Variants in PACSIN2 observed in about 807,000 individuals in gnomAD.
PACSIN2 encodes protein kinase C and casein kinase substrate in neurons 2.
In PACSIN2, 25 loss-of-function variants were observed where a neutral mutation model predicts 63.8. That is an observed-to-expected ratio of 0.39 (90% CI 0.29 to 0.55). The LOEUF is 0.55. PACSIN2 is among the 20% of genes least tolerant of loss of function. PACSIN2 has a pLI of 0.62. For synonymous variants in PACSIN2, 255 were observed against 256.2 expected (o/e 1.00, Z 0.05); for missense variants, 518 against 646.9 (o/e 0.80, Z 2.16).
Position 42,871,392 on chromosome 22 carries a change from G to A in PACSIN2, c.1426C>T (p.Leu476=), listed in dbSNP as rs1392274099. ...KGRLDNGQVG[L]YPANYVEAIQ ...GCCTCCACATAATTTGCCGGGTATA[G>A]GCCAACTTGCCCGTTGTCCAAGCGT... The change falls in exon 11 of 11, where the codon CTA becomes TTA. Residue 476 remains leucine, a synonymous_variant. Transcript: ENST00000263246. The surrounding 1 kb of genome is among the most constrained non-coding windows in gnomAD (Gnocchi z 5.4). 1.2e-6 allele frequency: 2 copies of A among 1,613,944 alleles called. No individual in the cohort carries two copies. Among genetic ancestry groups the A allele is most frequent in the African/African-American group, 2.7e-5 (2 of 74,916 alleles).
At chr22:42,988,704 A>G (rs1042005158) in intron 1 of PACSIN2, among the ~76,000 whole-genome samples, 52 of 152,206 alleles carry the variant, frequency 3.4e-4, no homozygotes, top group African/African-American at 1.2e-3. Context: ...CTTCTCTTTC[A>G]AGAAGGGATA....
chr22:42,952,667 ATT>A (rs1164741942), intron 1 of PACSIN2, among the ~76,000 whole-genome samples: 4 of 129,940 alleles, frequency 3.1e-5, no homozygotes, highest in Admixed American at 7.7e-5. Flanking sequence ...CTATTTATTT[ATT>A]TTTTTTTTTT....
At chr22:42,988,847 T>C (rs894270644) in intron 1 of PACSIN2, among the ~76,000 whole-genome samples, 10 of 151,834 alleles carry the variant, frequency 6.6e-5, no homozygotes, top group Non-Finnish European at 1.5e-4. Context: ...GGAAAAAATA[T>C]AGAAACTTAA....
chr22:42,968,761 G>A (rs563518908), intron 1 of PACSIN2, among the ~76,000 whole-genome samples: 2 of 152,328 alleles, frequency 1.3e-5, no homozygotes, highest in Admixed American at 6.5e-5. Context: ...CAATGTCCTG[G>A]AGCTGGGATG....
intron 1 of PACSIN2, among the ~76,000 whole-genome samples, chr22:42,980,741 G>A (rs1439469798): frequency 1.0e-4 from 10 of 99,722 alleles, no homozygotes; most frequent in South Asian, 4.2e-4. Context: ...CGCCAGCCTC[G>A]GCCTCCCGAG....
At chr22:42,886,785 G>A (rs1929521857) in intron 5 of PACSIN2, among the ~76,000 whole-genome samples, 1 of 152,132 alleles carries the variant, frequency 6.6e-6, no homozygotes, top group Non-Finnish European at 1.5e-5. Context: ...TGCAGTCACT[G>A]GCCAGACCAA....
Position 42,869,897 on chromosome 22 carries a change from G to T in PACSIN2, c.*1460C>A, listed in dbSNP as rs894287079. ...AGCACAGAAATGAGGATTTCTGCTG[G>T]TAAGTTCTCAGGACAGACACAGACA... On this transcript the variant is annotated 3_prime_UTR_variant, in exon 11 of 11. Coordinates refer to ENST00000263246, the MANE Select transcript of PACSIN2 (RefSeq NM_001184970.3). 2.0e-5 allele frequency: 3 copies of T among 152,436 alleles called. No individual in the cohort carries two copies. The South Asian group carries it at 6.2e-4, about 32-fold the overall frequency. 9.4% of individuals were successfully genotyped at this position (152,436 alleles called of 1,614,324 possible). A position where few individuals can be genotyped will look rare whatever the true frequency, so the allele number is the denominator to read the frequency against.
chr22:42,993,849 C>T (rs1430922426), intron 1 of PACSIN2: 1 of 151,898 alleles, frequency 6.6e-6, no homozygotes, highest in African/African-American at 2.4e-5. Flanking sequence ...TGCCCTCCCA[C>T]AAGTCAAGAA....
At position 43,014,381 on chromosome 22, in the gene PACSIN2, G is replaced by GCTA. The variant is rs1924736402; in HGVS notation, c.-78+639_-78+640insTAG. Among the ~76,000 whole-genome samples, 7 of 21,306 alleles carry GCTA rather than the reference G, an allele frequency of 3.3e-4. No homozygotes were observed. The Admixed American group carries it at 3.3e-3, about 10-fold the overall frequency. 14.0% of individuals were successfully genotyped at this position (21,306 alleles called of 152,430 possible). On this transcript the variant is annotated intron_variant, in intron 1 of 10. Transcript: ENST00000263246. Reference sequence around the variant, plus strand: ...ACACACACACCACCCCCCCCCCCCCGGGACACGGAGGGTGGGAAGGAAGGA... The same window carrying GCTA: ...ACACACACACCACCCCCCCCCCCCCGCTAGGACACGGAGGGTGGGAAGGAAGGA...
chr22:42,935,629 A>G (rs1186361069), intron 1 of PACSIN2, among the ~76,000 whole-genome samples: 1 of 152,198 alleles, frequency 6.6e-6, no homozygotes, highest in Non-Finnish European at 1.5e-5. Flanking sequence ...TGAGATTTCA[A>G]TTTGGCTTGT....
chr22:42,898,506 G>C (rs1195124686), intron 2 of PACSIN2, among the ~76,000 whole-genome samples: 2 of 152,042 alleles, frequency 1.3e-5, no homozygotes, highest in African/African-American at 4.8e-5. Flanking sequence ...CCCGAACTCA[G>C]GTGATCTGCC....
At chr22:43,014,120 G>A (rs988549535) in intron 1 of PACSIN2, among the ~76,000 whole-genome samples, 2 of 152,110 alleles carry the variant, frequency 1.3e-5, no homozygotes, top group Non-Finnish European at 1.5e-5. Flanking sequence ...AACAGCAGCA[G>A]CAATCACTAC....
At chr22:42,878,254 G>A (rs1928797423) in intron 8 of PACSIN2, among the ~76,000 whole-genome samples, 1 of 152,214 alleles carries the variant, frequency 6.6e-6, no homozygotes, top group Non-Finnish European at 1.5e-5. Context: ...GGCACTTACT[G>A]CCGAGCCCAC....
In PACSIN2 at chr22:42,982,885, AAAAAAC is replaced by A. The variant is rs1922305193; in HGVS notation, c.-78+32130_-78+32135del. Among the ~76,000 whole-genome samples, 4 of 133,172 alleles carry A rather than the reference AAAAAAC, an allele frequency of 3.0e-5. 1 individual carries two copies. Among genetic ancestry groups the A allele is most frequent in the African/African-American group, 1.1e-4 (4 of 35,706 alleles). The allele number at this position is 133,172 out of a possible 152,430, so 87.4% of individuals were successfully genotyped here. A position where few individuals can be genotyped will look rare whatever the true frequency, so the allele number is the denominator to read the frequency against. ...AATGATCAATAAAAAAAAAAAAAAA[AAAAAAC>A]AACAACAAGGCTAGGAGCAGTGGCT... On this transcript the variant is annotated intron_variant, in intron 1 of 10. Transcript: ENST00000263246.
intron 1 of PACSIN2, among the ~76,000 whole-genome samples, chr22:42,944,437 C>T (rs535017167): frequency 6.6e-6 from 1 of 152,128 alleles, no homozygotes; most frequent in East Asian, 1.9e-4. Context: ...TTTGGTGGGG[C>T]TACAGGAAAA....
chr22:42,999,860 C>G (rs183838621), intron 1 of PACSIN2, among the ~76,000 whole-genome samples: 1 of 152,350 alleles, frequency 6.6e-6, no homozygotes, highest in Admixed American at 6.5e-5. Context: ...ATTTCCTCAA[C>G]TGTAAAGTGG....
At chr22:42,916,654 G>C (rs897883906) in intron 1 of PACSIN2, among the ~76,000 whole-genome samples, 1 of 151,984 alleles carries the variant, frequency 6.6e-6, no homozygotes, top group Non-Finnish European at 1.5e-5. Context: ...CTTGCAGTCC[G>C]CTCTATGGCT....
chr22:42,979,299 G>C (rs1921909894), intron 1 of PACSIN2, among the ~76,000 whole-genome samples: 1 of 152,074 alleles, frequency 6.6e-6, no homozygotes, highest in Admixed American at 6.6e-5. Context: ...AGAGGCAGGT[G>C]GATCACCTAA....
At chr22:42,966,021 C>G (rs1358757675) in intron 1 of PACSIN2, among the ~76,000 whole-genome samples, 4 of 152,104 alleles carry the variant, frequency 2.6e-5, no homozygotes, top group Non-Finnish European at 4.4e-5. Flanking sequence ...AGGGTAGTGG[C>G]TATTTGCAAA....
Sources: gnomAD v4.1 joint callset for allele counts (sites outside exome capture counted in the v4.1 genomes callset) on GRCh38, gnomAD v4.1.1 for gene constraint, Gnocchi (gnomAD v3.1) non-coding constraint, MANE v1.5 for transcripts, NCBI Gene and HGNC (gene_info 2026-07-23, HGNC 2026-07-21) for gene names.